The following PRKG1 variants were observed in gnomAD, a reference collection of about 807,000 sequenced individuals.
PRKG1 encodes protein kinase cGMP-dependent 1, also known as cGMP-dependent protein kinase 1.
A neutral mutation model predicts 88.1 loss-of-function variants in PRKG1; 35 were observed. That is an observed-to-expected ratio of 0.40 (90% CI 0.30 to 0.53). The LOEUF is 0.53. Ranked by LOEUF, PRKG1 falls within the 20% of genes least tolerant of loss-of-function variation. The probability of loss-of-function intolerance (pLI) is 0.59; values close to 1 mark genes in which losing one functional copy is unlikely to be tolerated. For missense variants in PRKG1, 540 were observed against 839.8 expected, an observed-to-expected ratio of 0.64 and a Z score of 4.41; for synonymous variants, 303 against 292.5, an observed-to-expected ratio of 1.04 and a Z score of -0.37.
chr10:51,188,796 G>T (rs986007550), intron 2 of PRKG1, among the ~76,000 whole-genome samples: 3 of 151,874 alleles, frequency 2.0e-5, no homozygotes, highest in African/African-American at 7.2e-5. Context: ...ATGGAACATA[G>T]TTACCACATT....
intron 2 of PRKG1, among the ~76,000 whole-genome samples, chr10:51,390,353 C>T (rs993236521): frequency 1.3e-5 from 2 of 152,164 alleles, no homozygotes; most frequent in Non-Finnish European, 2.9e-5. Context: ...CATTGATATA[C>T]ACATTCATGA....
At chr10:51,165,003 A>G (rs959102369) in intron 2 of PRKG1, among the ~76,000 whole-genome samples, 49 of 152,338 alleles carry the variant, frequency 3.2e-4, no homozygotes, top group Non-Finnish European at 1.6e-4. Flanking sequence ...AACTTCCCCA[A>G]TCTAGCAAGG....
chr10:51,693,079 G>A (rs915122497), intron 3 of PRKG1, among the ~76,000 whole-genome samples: 2 of 151,878 alleles, frequency 1.3e-5, no homozygotes, highest in Admixed American at 6.6e-5. Flanking sequence ...TTTGAGGTCA[G>A]GAGTTCAAAA....
At chr10:51,219,546 A>G (rs1243867081) in intron 2 of PRKG1, among the ~76,000 whole-genome samples, 1 of 151,788 alleles carries the variant, frequency 6.6e-6, no homozygotes, top group Non-Finnish European at 1.5e-5. Context: ...CGTCTCTACT[A>G]AAAATACAAA....
chr10:51,472,956 G>A (rs1198695446), intron 3 of PRKG1, among the ~76,000 whole-genome samples: 1 of 151,822 alleles, frequency 6.6e-6, no homozygotes, highest in Non-Finnish European at 1.5e-5. Context: ...ATTAAGTTTG[G>A]GCCAATGATG....
At chr10:52,277,329 T>C (rs1166123762) in intron 12 of PRKG1, among the ~76,000 whole-genome samples, 3 of 152,100 alleles carry the variant, frequency 2.0e-5, no homozygotes, top group Non-Finnish European at 4.4e-5. Flanking sequence ...ACAGAGAGGA[T>C]TGGTGTTCCA....
chr10:51,374,093 A>AAAAAAAATATATATAT, intron 2 of PRKG1, among the ~76,000 whole-genome samples: 21 of 100,180 alleles, frequency 2.1e-4, no homozygotes, highest in Admixed American at 6.9e-4. Context: ...AAAAAAAAAA[A>AAAAAAAATATATATAT]ATATATATAT....
At chr10:51,007,403 A>G (rs747051756) in intron 1 of PRKG1, among the ~76,000 whole-genome samples, 10 of 152,198 alleles carry the variant, frequency 6.6e-5, no homozygotes, top group South Asian at 2.1e-4. Context: ...ATAAAGTGCA[A>G]TCAGACACAA....
At chr10:51,257,111 C>A (rs921085788) in intron 2 of PRKG1, among the ~76,000 whole-genome samples, 2 of 149,724 alleles carry the variant, frequency 1.3e-5, no homozygotes, top group African/African-American at 4.9e-5. Context: ...TCCTAGGTGT[C>A]GAGCTTTAAA....
intron 1 of PRKG1, among the ~76,000 whole-genome samples, chr10:51,065,692 CTG>C (rs1275822198): frequency 6.6e-6 from 1 of 152,026 alleles, no homozygotes; most frequent in Non-Finnish European, 1.5e-5. Context: ...TAATTGTTGA[CTG>C]TATTTACTCC....
intron 1 of PRKG1, among the ~76,000 whole-genome samples, chr10:51,131,369 C>T (rs1845562321): frequency 6.6e-6 from 1 of 152,172 alleles, no homozygotes; most frequent in African/African-American, 2.4e-5. Context: ...TAAAACTCCA[C>T]ATTAACAGTA....
chr10:51,443,483 A>AT (rs886120810), intron 2 of PRKG1, among the ~76,000 whole-genome samples: 7 of 151,900 alleles, frequency 4.6e-5, no homozygotes, highest in African/African-American at 1.7e-4. Flanking sequence ...GTATTCATGA[A>AT]TTTTTTCTAT....
At chr10:51,983,608 G>T (rs1844072466) in intron 5 of PRKG1, among the ~76,000 whole-genome samples, 1 of 152,122 alleles carries the variant, frequency 6.6e-6, no homozygotes. Context: ...TCTCCTATAG[G>T]AACAAGTTGA....
rs560040827 is a variant in PRKG1, at chr10:51,959,737, G to C, written c.762+52167G>C. On this transcript the variant is annotated intron_variant, in intron 5 of 17. Coordinates refer to ENST00000373980, the MANE Select transcript of PRKG1 (RefSeq NM_006258.4). ...GACTGATGAAATGTCAGAGGTGAAGGAGATTGAAGTATAGCAGATGATGCC... is the reference window on the plus strand; with the variant it reads ...GACTGATGAAATGTCAGAGGTGAAGCAGATTGAAGTATAGCAGATGATGCC... 5.9e-5 allele frequency among the ~76,000 whole-genome samples: 9 copies of C among 152,088 alleles called. No homozygotes were observed. In the East Asian group the frequency reaches 1.5e-3, roughly 26 times the overall value.
At chr10:50,998,259 C>T (rs1372859376) in intron 1 of PRKG1, among the ~76,000 whole-genome samples, 3 of 152,078 alleles carry the variant, frequency 2.0e-5, no homozygotes, top group Non-Finnish European at 4.4e-5. Flanking sequence ...TTTCTTCTGG[C>T]TTAACATCTG....
chr10:51,193,771 T>C (rs894456484), intron 2 of PRKG1, among the ~76,000 whole-genome samples: 1 of 152,110 alleles, frequency 6.6e-6, no homozygotes, highest in Non-Finnish European at 1.5e-5. Context: ...GTTCTCAAAA[T>C]GTGTAGTAAC....
chr10:51,467,896 T>C (rs1326220559), intron 3 of PRKG1, 60 bp downstream of exon 3: 10 of 1,379,104 alleles, frequency 7.3e-6, no homozygotes, highest in Non-Finnish European at 1.0e-5. Flanking sequence ...GCCTTTGAGA[T>C]GTTGTTTAAA....
At chr10:51,376,442 G>A (rs556773308) in intron 2 of PRKG1, among the ~76,000 whole-genome samples, 4 of 152,012 alleles carry the variant, frequency 2.6e-5, no homozygotes, top group Admixed American at 1.3e-4. Context: ...AAAAATACTT[G>A]GTCTTATTCT....
chr10:51,648,794 C>A (rs988597505), intron 3 of PRKG1, among the ~76,000 whole-genome samples: 1 of 152,058 alleles, frequency 6.6e-6, no homozygotes, highest in African/African-American at 2.4e-5. Context: ...GTTTGTGGAG[C>A]ACAGAAGGAA....
Sources: gnomAD v4.1 joint callset for allele counts (sites outside exome capture counted in the v4.1 genomes callset) on GRCh38, gnomAD v4.1.1 for gene constraint, MANE v1.5 for transcripts, NCBI Gene and HGNC (gene_info 2026-07-23, HGNC 2026-07-21) for gene names.